HERPUD2: variants seen among roughly 807,000 people sequenced by gnomAD.
HERPUD2 encodes the protein homocysteine-responsive endoplasmic reticulum-resident ubiquitin-like domain member 2 protein.
Under a neutral mutation model 49.9 loss-of-function variants are expected in HERPUD2, and 13 were observed. The ratio of observed to expected loss-of-function variants is 0.26; its 90% CI spans 0.17 to 0.41. The LOEUF is 0.41. Ranked by LOEUF, HERPUD2 falls within the 10% of genes least tolerant of loss-of-function variation. The pLI is 1.00. For synonymous variants in HERPUD2, 172 were observed against 171.4 expected, an observed-to-expected ratio of 1.00 and a Z score of -0.03; for missense variants, 449 against 492.2, an observed-to-expected ratio of 0.91 and a Z score of 0.83.
intron 2 of HERPUD2, among the ~76,000 whole-genome samples, chr7:35,686,815 G>T (rs1562688677): frequency 9.3e-5 from 2 of 21,462 alleles, no homozygotes; most frequent in Non-Finnish European, 2.0e-4. Context: ...GGCTGGGGGG[G>T]GGGGGGTGGG....
intron 5 of HERPUD2, among the ~76,000 whole-genome samples, chr7:35,656,811 A>G (rs926769459): frequency 6.6e-6 from 1 of 152,230 alleles, no homozygotes; most frequent in Non-Finnish European, 1.5e-5. Context: ...GGCTAGCCAT[A>G]TGCAGAAGAA....
intron 2 of HERPUD2, among the ~76,000 whole-genome samples, chr7:35,688,136 T>G (rs144108371): frequency 2.4e-3 from 366 of 152,276 alleles, no homozygotes; most frequent in African/African-American, 8.2e-3. Context: ...CAAATAGCTT[T>G]AAAGAGCTGG....
intron 2 of HERPUD2, among the ~76,000 whole-genome samples, chr7:35,684,301 A>G (rs900339745): frequency 1.3e-5 from 2 of 152,026 alleles, no homozygotes; most frequent in Admixed American, 1.3e-4. Flanking sequence ...GAGGCAGGAG[A>G]ATGGCGTGAA....
intron 5 of HERPUD2, among the ~76,000 whole-genome samples, chr7:35,652,799 A>AT (rs1785195171): frequency 6.6e-6 from 1 of 152,116 alleles, no homozygotes; most frequent in Non-Finnish European, 1.5e-5. Flanking sequence ...TGAAGGAGAA[A>AT]TAAAGTCTTT....
chr7:35,680,287 T>C lies in HERPUD2; in HGVS notation c.148-7009A>G, dbSNP rs117815176. ...AGCCAGGTGTGGTAGGGCATGCTTG[T>C]AGTTCCAGCTGCTTGGGAGGCTGAG... is the stretch of plus-strand genomic sequence containing the variant. On this transcript the variant is annotated intron_variant, in intron 2 of 8. Transcript: ENST00000311350. 6.1e-4 allele frequency among the ~76,000 whole-genome samples: 93 copies of C among 152,126 alleles called. 2 individuals are homozygous for C. The East Asian group carries it at 0.017, about 27-fold the overall frequency.
rs1784906308 is a variant in HERPUD2, at chr7:35,638,404, G to A, written c.563C>T (p.Pro188Leu). 7 of 1,613,420 alleles carry A rather than the reference G, an allele frequency of 4.3e-6. No homozygotes were observed. Among genetic ancestry groups the A allele is most frequent in the Non-Finnish European group, 5.9e-6 (7 of 1,179,566 alleles). ...PGFPVYPAFS[P>L]LQMLWWQQMY... The stretch of plus-strand genomic sequence containing the variant: ...CTGTTGCCACCATAGCATCTGCAGT[G>A]GGCTAAACGCGGGATACACTGGGAA... Residue 188 changes from proline to leucine, a missense_variant, in exon 6 of 9, where the codon CCA (proline) becomes CTA (leucine). Physicochemically the swap from Pro to Leu is moderately conservative, Grantham distance 98. Transcript: ENST00000311350.
chr7:35,648,840 T>A (rs2115869871), intron 5 of HERPUD2, among the ~76,000 whole-genome samples: 1 of 152,362 alleles, frequency 6.6e-6, no homozygotes, highest in East Asian at 1.9e-4. Flanking sequence ...AAATGTATTG[T>A]AAGCCACTGA....
rs541080185 is a variant in HERPUD2, at chr7:35,692,487, C to T, written c.147+1697G>A. 5.3e-5 allele frequency among the ~76,000 whole-genome samples: 8 copies of T among 152,302 alleles called. No individual in the cohort carries two copies. In the South Asian group the frequency reaches 1.7e-3, roughly 32 times the overall value. ...TATCCTAAAAACCTATTTTCCACTT[C>T]AAAAATGTGTGAAACTAATCATATG... On this transcript the variant is annotated intron_variant, in intron 2 of 8. Coordinates refer to ENST00000311350, the MANE Select transcript of HERPUD2 (RefSeq NM_022373.5).
chr7:35,667,082 C>T (rs368505083), intron 5 of HERPUD2, among the ~76,000 whole-genome samples: 1 of 152,132 alleles, frequency 6.6e-6, no homozygotes, highest in Non-Finnish European at 1.5e-5. Context: ...CCTTGCTATT[C>T]AAAGTGTAGT....
At chr7:35,671,773 T>C (rs921000510) in intron 3 of HERPUD2, among the ~76,000 whole-genome samples, 3 of 152,108 alleles carry the variant, frequency 2.0e-5, no homozygotes, top group African/African-American at 7.2e-5. Context: ...GTTTTTATTT[T>C]AAGTTGTTTG....
intron 3 of HERPUD2, among the ~76,000 whole-genome samples, chr7:35,672,691 C>T (rs948904567): frequency 2.5e-4 from 38 of 152,012 alleles, no homozygotes; most frequent in African/African-American, 8.5e-4. Context: ...AACTAGCCTT[C>T]AAGTTGATTT....
intron 5 of HERPUD2, among the ~76,000 whole-genome samples, chr7:35,650,772 T>C (rs1562672466): frequency 6.6e-6 from 1 of 152,134 alleles, no homozygotes; most frequent in South Asian, 2.1e-4. Context: ...ACTGTTGTCA[T>C]TGAAAGCAAC....
At chr7:35,671,065 G>C (rs1386286167) in intron 3 of HERPUD2, among the ~76,000 whole-genome samples, 3 of 151,892 alleles carry the variant, frequency 2.0e-5, no homozygotes, top group African/African-American at 7.3e-5. Context: ...TTTTTAAAAA[G>C]AAAAGAACAG....
chr7:35,654,435 T>G (rs1423913040), intron 5 of HERPUD2, among the ~76,000 whole-genome samples: 1 of 151,606 alleles, frequency 6.6e-6, no homozygotes, highest in African/African-American at 2.4e-5. Context: ...CACTAATACA[T>G]CAGAAAACCA....
intron 5 of HERPUD2, among the ~76,000 whole-genome samples, chr7:35,638,676 T>C (rs888047545): frequency 3.9e-5 from 6 of 152,186 alleles, no homozygotes; most frequent in African/African-American, 1.4e-4. Flanking sequence ...ATAGAATAAC[T>C]AACATTTCAG....
Position 35,635,454 on chromosome 7 carries a change from C to T in HERPUD2, c.622G>A (p.Ala208Thr), listed in dbSNP as rs1784856423. The change falls in exon 7 of 9, where the codon GCT becomes ACT. Residue 208 changes from alanine to threonine, a missense_variant. Physicochemically the swap from Ala to Thr is moderately conservative, Grantham distance 58 (BLOSUM62 0). Transcript: ENST00000311350. ...YAHQYYMQYQ[A>T]AVSAQATSNV... ...GATGTGGCCTGAGCTGAAACTGCAGCTTGACTGAAATAGTCACCAAAATAA... is the reference window on the plus strand; with the variant it reads ...GATGTGGCCTGAGCTGAAACTGCAGTTTGACTGAAATAGTCACCAAAATAA... The T allele has an allele frequency of 1.9e-6, 3 of 1,608,136 alleles. No individual in the cohort carries two copies. Among genetic ancestry groups the T allele is most frequent in the Admixed American group, 3.4e-5 (2 of 59,668 alleles).
At chr7:35,685,119 T>C (rs1786008850) in intron 2 of HERPUD2, among the ~76,000 whole-genome samples, 3 of 151,534 alleles carry the variant, frequency 2.0e-5, no homozygotes, top group Admixed American at 2.0e-4. Context: ...TGCATGCCTG[T>C]AGTCCCAGCT....
chr7:35,679,089 T>C (rs1028109573), intron 2 of HERPUD2, among the ~76,000 whole-genome samples: 6 of 152,164 alleles, frequency 3.9e-5, no homozygotes, highest in African/African-American at 7.2e-5. Context: ...TTGGAAAACT[T>C]TGCAATGCAA....
chr7:35,683,005 TCTACA>T (rs1785949365), intron 2 of HERPUD2, among the ~76,000 whole-genome samples: 2 of 151,996 alleles, frequency 1.3e-5, no homozygotes, highest in African/African-American at 4.8e-5. Flanking sequence ...CCAAAAGCAA[TCTACA>T]AATTCAACGC....
Sources: allele counts gnomAD v4.1 joint callset (sites outside exome capture counted in the v4.1 genomes callset), GRCh38; gene constraint gnomAD v4.1.1; transcripts MANE v1.5; gene names NCBI Gene and HGNC (gene_info 2026-07-23, HGNC 2026-07-21).